ARSB: variants seen among roughly 807,000 people sequenced by gnomAD.
ARSB encodes arylsulfatase B.
Under a neutral mutation model 50.9 loss-of-function variants are expected in ARSB, and 41 were observed. The observed-to-expected ratio is 0.81, with a 90% confidence interval of 0.63 to 1.04. The LOEUF (loss-of-function observed/expected upper bound fraction) is 1.04. Among genes scored for constraint, ARSB ranks in the 50% least tolerant of loss-of-function variants. The pLI is 0.00. For missense variants in ARSB, 672 were observed against 693.3 expected, an observed-to-expected ratio of 0.97 and a Z score of 0.35; for synonymous variants, 269 against 284.8, an observed-to-expected ratio of 0.94 and a Z score of 0.56.
chr5:78,909,406 A>G lies in ARSB; in HGVS notation c.899-23579T>C, dbSNP rs117094307. Among the ~76,000 whole-genome samples, 63 of 152,286 alleles carry G rather than the reference A, an allele frequency of 4.1e-4. No individual in the cohort carries two copies. In the East Asian group the frequency reaches 6.4e-3, roughly 15 times the overall value. On this transcript the variant is annotated intron_variant, in intron 4 of 7. Coordinates refer to ENST00000264914, the MANE Select transcript of ARSB (RefSeq NM_000046.5). ...GAGAGATCAGACCATTACTGTCTCT[A>G]TGTAGAAAGGGAAAGACATAAGAAA... is the stretch of plus-strand genomic sequence containing the variant.
intron 4 of ARSB, among the ~76,000 whole-genome samples, chr5:78,937,436 G>GAT (rs927824278): frequency 3.9e-5 from 5 of 128,170 alleles, no homozygotes; most frequent in East Asian, 2.0e-4. Flanking sequence ...TCATATATAT[G>GAT]ATATATATAT....
At chr5:78,832,032 C>T (rs1005557275) in intron 6 of ARSB, among the ~76,000 whole-genome samples, 2 of 151,682 alleles carry the variant, frequency 1.3e-5, no homozygotes, top group African/African-American at 4.8e-5. Flanking sequence ...CATAAGACAC[C>T]GAGAGAACTA....
intron 5 of ARSB, among the ~76,000 whole-genome samples, chr5:78,878,226 C>A (rs1690416531): frequency 6.6e-6 from 1 of 151,990 alleles, no homozygotes; most frequent in African/African-American, 2.4e-5. Context: ...AGAAGCTTTT[C>A]TTTTAATTTA....
intron 4 of ARSB, among the ~76,000 whole-genome samples, chr5:78,942,854 T>C (rs1751007533): frequency 1.3e-5 from 2 of 152,204 alleles, no homozygotes; most frequent in Admixed American, 6.5e-5. Context: ...TCTGTCTCAT[T>C]GATCTGTCTA....
intron 5 of ARSB, among the ~76,000 whole-genome samples, chr5:78,867,604 G>A (rs1168323088): frequency 1.3e-5 from 2 of 152,102 alleles, no homozygotes; most frequent in African/African-American, 4.8e-5. Context: ...TGCAGCTGAG[G>A]GTCCTGTCTG....
At chr5:78,874,385 A>C (rs1264243764) in intron 5 of ARSB, among the ~76,000 whole-genome samples, 2 of 152,228 alleles carry the variant, frequency 1.3e-5, no homozygotes, top group African/African-American at 4.8e-5. Flanking sequence ...TTAAATCACA[A>C]AACTGGAAGA....
chr5:78,978,422 C>G (rs1752757401), intron 1 of ARSB, among the ~76,000 whole-genome samples: 1 of 151,608 alleles, frequency 6.6e-6, no homozygotes, highest in South Asian at 2.1e-4. Flanking sequence ...GGTAGTAATA[C>G]TCTCCAAATA....
At chr5:78,927,877 T>G (rs1359379353) in intron 4 of ARSB, among the ~76,000 whole-genome samples, 1 of 152,176 alleles carries the variant, frequency 6.6e-6, no homozygotes, top group African/African-American at 2.4e-5. Flanking sequence ...GACAGGAATG[T>G]CATGCTTAGG....
intron 5 of ARSB, among the ~76,000 whole-genome samples, chr5:78,882,021 TG>T (rs1202636329): frequency 6.6e-6 from 1 of 152,210 alleles, no homozygotes; most frequent in African/African-American, 2.4e-5. Context: ...ATAGCCTGAG[TG>T]GGGAAACCCA....
intron 4 of ARSB, among the ~76,000 whole-genome samples, chr5:78,913,351 C>T (rs1749394423): frequency 6.6e-6 from 1 of 152,160 alleles, no homozygotes; most frequent in Middle Eastern, 3.2e-3. Flanking sequence ...GTCTCGATCT[C>T]CTGACCTCGT....
intron 4 of ARSB, among the ~76,000 whole-genome samples, chr5:78,947,440 A>G (rs1751294126): frequency 6.6e-6 from 1 of 152,180 alleles, no homozygotes; most frequent in Non-Finnish European, 1.5e-5. Context: ...TGGGGAAAAA[A>G]AATCTAATAA....
chr5:78,803,100 A>T (rs1743453978), intron 6 of ARSB, among the ~76,000 whole-genome samples: 1 of 152,232 alleles, frequency 6.6e-6, no homozygotes, highest in South Asian at 2.1e-4. Flanking sequence ...TGAAACACTT[A>T]TCTGAATGCA....
At chr5:78,961,907 G>A (rs1195756253) in intron 3 of ARSB, among the ~76,000 whole-genome samples, 1 of 151,898 alleles carries the variant, frequency 6.6e-6, no homozygotes, top group East Asian at 1.9e-4. Context: ...ACCAATGATT[G>A]GGTCCCACCT....
chr5:78,939,959 C>T (rs189996518), intron 4 of ARSB, among the ~76,000 whole-genome samples: 5,281 of 152,162 alleles, frequency 0.035, 285 homozygotes, highest in African/African-American at 0.12. Context: ...TCCTGACTTT[C>T]TAATGATTGC....
rs1248113812 is a variant in ARSB, at chr5:78,981,152, G to T, written c.312+3785C>A. On this transcript the variant is annotated intron_variant, in intron 1 of 7. Transcript: ENST00000264914. ...TTTTTAGTAGAGACGGGGTTTCACC[G>T]TTTTAGCCGGGATGGTCTCGATCTC... Among the ~76,000 whole-genome samples, 2 of 8,708 alleles carry T rather than the reference G, an allele frequency of 2.3e-4. 1 individual carries two copies. The highest frequency in any genetic ancestry group is 3.8e-4 in the Non-Finnish European group (2 of 5,258). The allele number at this position is 8,708 out of a possible 152,430, so 5.7% of individuals were successfully genotyped here.
At chr5:78,828,101 G>A (rs1349018307) in intron 6 of ARSB, among the ~76,000 whole-genome samples, 1 of 152,012 alleles carries the variant, frequency 6.6e-6, no homozygotes, top group Non-Finnish European at 1.5e-5. Context: ...ATCTGCAATC[G>A]ATATCATACT....
intron 5 of ARSB, among the ~76,000 whole-genome samples, chr5:78,866,638 A>G (rs1164028373): frequency 6.6e-6 from 1 of 152,210 alleles, no homozygotes. Context: ...AGTGTGCAGG[A>G]CGAGAGTGGC....
chr5:78,937,877 G>A (rs1300895567), intron 4 of ARSB, among the ~76,000 whole-genome samples: 1 of 152,072 alleles, frequency 6.6e-6, no homozygotes, highest in Non-Finnish European at 1.5e-5. Flanking sequence ...CAGCAACATC[G>A]CAGAACTCAA....
At chr5:78,922,802 T>TG (rs1317221301) in intron 4 of ARSB, among the ~76,000 whole-genome samples, 1 of 151,984 alleles carries the variant, frequency 6.6e-6, no homozygotes, top group Admixed American at 6.6e-5. Context: ...GAGCTGCCCC[T>TG]GGGCAGTGAC....
Sources: gnomAD v4.1 joint callset for allele counts (sites outside exome capture counted in the v4.1 genomes callset) on GRCh38, gnomAD v4.1.1 for gene constraint, MANE v1.5 for transcripts, NCBI Gene and HGNC (gene_info 2026-07-23, HGNC 2026-07-21) for gene names.